TMEM95: variants seen among roughly 807,000 people sequenced by gnomAD.
TMEM95 encodes the protein sperm-egg fusion protein TMEM95.
A neutral mutation model predicts 27.7 loss-of-function variants in TMEM95; 21 were observed. That is an observed-to-expected ratio of 0.76 (90% CI 0.54 to 1.09). TMEM95 has a LOEUF of 1.09. Ranked by LOEUF, TMEM95 falls within the 50% of genes least tolerant of loss-of-function variation. TMEM95 has a pLI of 0.00. For synonymous variants in TMEM95, 77 were observed against 85.7 expected, an observed-to-expected ratio of 0.90 and a Z score of 0.56; for missense variants, 203 against 217.9, an observed-to-expected ratio of 0.93 and a Z score of 0.43.
chr17:7,356,484 G>A lies in TMEM95; in HGVS notation c.497+5G>A, dbSNP rs2073507181. ...TGTTCTGAGCCTCCTGGTGGAGTGA[G>A]TTTTGGGATAAAGACAGGAATCCTA... On this transcript the variant is annotated splice_donor_5th_base_variant and intron_variant, in intron 6 of 6. Transcript: ENST00000576060. The A allele has an allele frequency of 6.2e-7, 1 of 1,613,940 alleles. No homozygotes were observed. The highest frequency in any genetic ancestry group is 1.7e-5 in the Admixed American group (1 of 59,998).
Position 7,356,269 on chromosome 17 carries a change from C to T in TMEM95, c.402C>T (p.Cys134=). The T allele has an allele frequency of 1.9e-6, 3 of 1,575,654 alleles. No individual in the cohort carries two copies. The highest frequency in any genetic ancestry group is 2.6e-6 in the Non-Finnish European group (3 of 1,163,372). The change falls in exon 5 of 7, where the codon TGC becomes TGT. Residue 134 remains cysteine, a synonymous_variant. Coordinates refer to ENST00000576060, the MANE Select transcript of TMEM95 (RefSeq NM_001320436.2). ...TEVSCWPRKR[C]FPGSQDLWEA... is the part of the protein sequence containing the mutation. The stretch of plus-strand genomic sequence containing the variant: ...TGTCCTGCTGGCCCCGAAAGCGCTG[C>T]TTCCCAGGTCCTCACGCCCATCTTG...
rs756321898 is a variant in TMEM95 at position 7,355,268 on chromosome 17, C to T, written c.64C>T (p.Leu22Phe). 84 of 1,613,904 alleles carry T rather than the reference C, an allele frequency of 5.2e-5. No homozygotes were observed. The highest frequency in any genetic ancestry group is 6.9e-5 in the Non-Finnish European group (82 of 1,179,962). The change falls in exon 1 of 7, where the codon CTC (leucine) becomes TTC (phenylalanine). Residue 22 changes from leucine (L) to phenylalanine (F), a missense_variant. Physicochemically the swap from Leu to Phe is conservative, Grantham distance 22. Transcript: ENST00000576060. The surrounding 1 kb of genome is among the most constrained non-coding windows in gnomAD (Gnocchi z 4.9). ...CGCCCAGGCTTGTGTCTTCTGTCGC[C>T]TCCCAGCCCACGACTTGTCAGGCCG... is the stretch of plus-strand genomic sequence containing the variant. ...AAAQACVFCR[L>F]PAHDLSGRLA...
Position 7,355,502 on chromosome 17 carries a change from G to T in TMEM95, c.170-84G>T. ...TGGACATGCTGGCCTTTCCCTCTGAGAGAGCTCCATATCTGGGAAAGTCAG... is the reference window on the plus strand; with the variant it reads ...TGGACATGCTGGCCTTTCCCTCTGATAGAGCTCCATATCTGGGAAAGTCAG... On this transcript the variant is annotated intron_variant, in intron 1 of 6. Coordinates refer to ENST00000576060, the MANE Select transcript of TMEM95 (RefSeq NM_001320436.2). The surrounding 1 kb of genome is among the most constrained non-coding windows in gnomAD (Gnocchi z 4.9). 1 of 1,532,828 alleles carries T rather than the reference G, an allele frequency of 6.5e-7. No individual in the cohort carries two copies. Among genetic ancestry groups the T allele is most frequent in the South Asian group, 1.2e-5 (1 of 82,600 alleles). 95.0% of individuals were successfully genotyped at this position (1,532,828 alleles called of 1,614,324 possible). A position where few individuals can be genotyped will look rare whatever the true frequency, so the allele number is the denominator to read the frequency against.
Position 7,356,671 on chromosome 17 carries a change from A to G in TMEM95, c.*39A>G, listed in dbSNP as rs79803982. 2.3e-3 allele frequency: 3,777 copies of G among 1,607,724 alleles called. 60 individuals are homozygous for G. In the African/African-American group the frequency reaches 0.042, roughly 18 times the overall value. ...CTCCCAGCCTCCAGCTCTAAGGGGT[A>G]TGCACTCACAACTTCCACATCCCTT... On this transcript the variant is annotated 3_prime_UTR_variant, in exon 7 of 7. Transcript: ENST00000576060.
In TMEM95 at chr17:7,355,700, G is replaced by A. The variant is rs1597661532; in HGVS notation, c.226+58G>A. On this transcript the variant is annotated intron_variant, in intron 2 of 6. Coordinates refer to ENST00000576060, the MANE Select transcript of TMEM95 (RefSeq NM_001320436.2). This position sits in a 1 kb window ranked among gnomAD's most constrained non-coding sequence, Gnocchi z 4.9. ...TTGGGAGGATACCAAGGAGAGGGAC[G>A]GGTGACAGGGGTTGGGGTGGGCAGG... 8 of 1,516,538 alleles carry A rather than the reference G, an allele frequency of 5.3e-6. 1 individual carries two copies. In the East Asian group the frequency reaches 9.2e-5, roughly 18 times the overall value. 93.9% of individuals were successfully genotyped at this position (1,516,538 alleles called of 1,614,324 possible).
rs1301238139 is a variant in TMEM95 at position 7,355,978 on chromosome 17, T to C, written c.308-51T>C. 2 of 1,613,558 alleles carry C rather than the reference T, an allele frequency of 1.2e-6. No individual in the cohort carries two copies. Among genetic ancestry groups the C allele is most frequent in the East Asian group, 4.5e-5 (2 of 44,860 alleles). Reference sequence around the variant, plus strand: ...GGGTCTTAACCAAAGGAATGTGTGGTGAGCAGCTCATCCATTCACACCCCC... The same window carrying C: ...GGGTCTTAACCAAAGGAATGTGTGGCGAGCAGCTCATCCATTCACACCCCC... On this transcript the variant is annotated intron_variant, in intron 3 of 6. Coordinates refer to ENST00000576060, the MANE Select transcript of TMEM95 (RefSeq NM_001320436.2). This position sits in a 1 kb window ranked among gnomAD's most constrained non-coding sequence, Gnocchi z 4.9.
In TMEM95 at chr17:7,355,448, C is replaced by T. The variant is rs1275980390; in HGVS notation, c.169+75C>T. Reference sequence around the variant, plus strand: ...CCCCAGAGGGTGGCATGTGACCTTCCAGCTGTGCCCTCCATCTGTGGCCCT... The same window carrying T: ...CCCCAGAGGGTGGCATGTGACCTTCTAGCTGTGCCCTCCATCTGTGGCCCT... On this transcript the variant is annotated intron_variant, in intron 1 of 6. Transcript: ENST00000576060. This position sits in a 1 kb window ranked among gnomAD's most constrained non-coding sequence, Gnocchi z 4.9. 2.6e-6 allele frequency: 4 copies of T among 1,562,844 alleles called. No homozygotes were observed. The African/African-American group carries it at 5.4e-5, about 21-fold the overall frequency.
Position 7,355,509 on chromosome 17 carries a change from C to T in TMEM95, c.170-77C>T, listed in dbSNP as rs990454181. The T allele has an allele frequency of 7.2e-6, 11 of 1,534,820 alleles. No homozygotes were observed. The highest frequency in any genetic ancestry group is 9.7e-6 in the Non-Finnish European group (11 of 1,135,442). The stretch of plus-strand genomic sequence containing the variant: ...GCTGGCCTTTCCCTCTGAGAGAGCT[C>T]CATATCTGGGAAAGTCAGGAGAGAC... On this transcript the variant is annotated intron_variant, in intron 1 of 6. Coordinates refer to ENST00000576060, the MANE Select transcript of TMEM95 (RefSeq NM_001320436.2). This position sits in a 1 kb window ranked among gnomAD's most constrained non-coding sequence, Gnocchi z 4.9.
Position 7,355,211 on chromosome 17 carries a change from A to G in TMEM95, c.7A>G (p.Arg3Gly), listed in dbSNP as rs1245684694. 3 of 1,612,772 alleles carry G rather than the reference A, an allele frequency of 1.9e-6. No individual in the cohort carries two copies. The highest frequency in any genetic ancestry group is 1.7e-6 in the Non-Finnish European group (2 of 1,179,590). MWRLALGGVFLAA... is the reference protein window; with the variant it reads MWGLALGGVFLAA... ...CCATCCCCCAGTGGTCCTCATGTGG[A>G]GGCTGGCACTAGGCGGGGTTTTCCT... The change falls in exon 1 of 7, where the codon AGG becomes GGG. Residue 3 changes from arginine to glycine, a missense_variant. By Grantham distance (125) the Arg-to-Gly change is moderately radical. Transcript: ENST00000576060. This position sits in a 1 kb window ranked among gnomAD's most constrained non-coding sequence, Gnocchi z 4.9.
rs182046243 is a variant in TMEM95, at chr17:7,357,176, G to C, written c.*544G>C. 5.5e-3 allele frequency: 852 copies of C among 154,088 alleles called. 3 individuals are homozygous for C. Among genetic ancestry groups the C allele is most frequent in the Admixed American group, 9.5e-3 (146 of 15,440 alleles). The allele number at this position is 154,088 out of a possible 1,614,324, so 9.5% of individuals were successfully genotyped here. On this transcript the variant is annotated 3_prime_UTR_variant, in exon 7 of 7. Transcript: ENST00000576060. The stretch of plus-strand genomic sequence containing the variant: ...GTTTGAAATCCTGGCCTCCCTCAGA[G>C]GCCTCCATCCTGCCAGGCCTAAGTA...
At position 7,356,872 on chromosome 17, in the gene TMEM95, C is replaced by T; in HGVS notation, c.*240C>T. The T allele has an allele frequency of 3.7e-6, 2 of 535,614 alleles. No homozygotes were observed. The highest frequency in any genetic ancestry group is 6.7e-6 in the Non-Finnish European group (2 of 300,554). 33.2% of individuals were successfully genotyped at this position (535,614 alleles called of 1,614,324 possible). A position where few individuals can be genotyped will look rare whatever the true frequency, so the allele number is the denominator to read the frequency against. The stretch of plus-strand genomic sequence containing the variant: ...CTCCCGGGAACCCAGGCACCCACAG[C>T]TGGAAAGTTCCTCCCCTCCAGCCCT... On this transcript the variant is annotated 3_prime_UTR_variant, in exon 7 of 7. Transcript: ENST00000576060.
Position 7,356,759 on chromosome 17 carries a change from A to G in TMEM95, c.*127A>G, listed in dbSNP as rs745332480. 1.5e-5 allele frequency: 15 copies of G among 984,122 alleles called. No individual in the cohort carries two copies. The South Asian group carries it at 2.5e-4, about 17-fold the overall frequency. 61.0% of individuals were successfully genotyped at this position (984,122 alleles called of 1,614,324 possible). ...AGACAGTCTCCAGACCCTAAAACCC[A>G]GACATCCCTGCTTCTGGTTGGTGAG... On this transcript the variant is annotated 3_prime_UTR_variant, in exon 7 of 7. Transcript: ENST00000576060.
chr17:7,356,491 GAT>G lies in TMEM95; in HGVS notation c.497+14_497+15del, dbSNP rs772255063. The stretch of plus-strand genomic sequence containing the variant: ...AGCCTCCTGGTGGAGTGAGTTTTGG[GAT>G]AAAGACAGGAATCCTACCCCGCCCA... On this transcript the variant is annotated intron_variant, in intron 6 of 6. Coordinates refer to ENST00000576060, the MANE Select transcript of TMEM95 (RefSeq NM_001320436.2). 6.2e-7 allele frequency: 1 copy of G among 1,613,738 alleles called. No homozygotes were observed. Among genetic ancestry groups the G allele is most frequent in the Non-Finnish European group, 8.5e-7 (1 of 1,179,780 alleles).
At chr17:7,356,160 T>C (rs775319180) in intron 4 of TMEM95, 36 bp from the exon 5 acceptor site, 14 of 1,587,056 alleles carry the variant, frequency 8.8e-6, no homozygotes, top group Non-Finnish European at 1.2e-5. Flanking sequence ...AGGCCCGGCC[T>C]CCCCTCCCCA....
In TMEM95 at chr17:7,356,282, C is replaced by T; in HGVS notation, c.409+6C>T. 6.3e-7 allele frequency: 1 copy of T among 1,583,954 alleles called. No homozygotes were observed. Among genetic ancestry groups the T allele is most frequent in the South Asian group, 1.1e-5 (1 of 87,440 alleles). The stretch of plus-strand genomic sequence containing the variant: ...CCGAAAGCGCTGCTTCCCAGGTCCT[C>T]ACGCCCATCTTGGCCCCGCCCCACC... On this transcript the variant is annotated splice_donor_region_variant and intron_variant, in intron 5 of 6. Coordinates refer to ENST00000576060, the MANE Select transcript of TMEM95 (RefSeq NM_001320436.2).
At chr17:7,356,526 C>T in intron 6 of TMEM95, 47 bp downstream of exon 6, 3 of 1,612,164 alleles carry the variant, frequency 1.9e-6, no homozygotes, top group Non-Finnish European at 2.5e-6. Flanking sequence ...CCAGTGCCTT[C>T]CACCACCCAT....
Position 7,356,402 on chromosome 17 carries a change from T to A in TMEM95, c.420T>A (p.Asp140Glu). ...CTGGGTTCCCTGCAGGAAGTCAGGA[T>A]CTTTGGGAAGCCAAGATTCTGCTCC... The part of the protein sequence containing the change: ...PRKRCFPGSQ[D>E]LWEAKILLLS... Residue 140 changes from aspartate to glutamate, a missense_variant, in exon 6 of 7, where the codon GAT (aspartate) becomes GAA (glutamate). By Grantham distance (45) the Asp-to-Glu change is conservative. Transcript: ENST00000576060. The A allele has an allele frequency of 6.2e-7, 1 of 1,614,004 alleles. No individual in the cohort carries two copies. The highest frequency in any genetic ancestry group is 8.5e-7 in the Non-Finnish European group (1 of 1,179,960).
chr17:7,356,368 C>T (rs1365571616), intron 5 of TMEM95, 24 bp from the exon 6 acceptor site: 1 of 1,611,132 alleles, frequency 6.2e-7, no homozygotes, highest in East Asian at 2.2e-5. Flanking sequence ...CAGAATCATT[C>T]ACTGCCTCCT....
chr17:7,355,680 A>C lies in TMEM95; in HGVS notation c.226+38A>C. ...GGAAAGAGTGACCTAGGGGCTTGGG[A>C]GGATACCAAGGAGAGGGACGGGTGA... On this transcript the variant is annotated intron_variant, in intron 2 of 6. Coordinates refer to ENST00000576060, the MANE Select transcript of TMEM95 (RefSeq NM_001320436.2). This position sits in a 1 kb window ranked among gnomAD's most constrained non-coding sequence, Gnocchi z 4.9. The C allele has an allele frequency of 8.9e-7, 1 of 1,121,002 alleles. No individual in the cohort carries two copies. Among genetic ancestry groups the C allele is most frequent in the Non-Finnish European group, 1.2e-6 (1 of 801,888 alleles). 69.4% of individuals were successfully genotyped at this position (1,121,002 alleles called of 1,614,324 possible).
Sources: allele counts gnomAD v4.1 joint callset, GRCh38; gene constraint gnomAD v4.1.1; non-coding constraint Gnocchi (gnomAD v3.1); transcripts MANE v1.5; gene names NCBI Gene and HGNC (gene_info 2026-07-23, HGNC 2026-07-21).